Variants in FOCAD observed in about 807,000 individuals in gnomAD.
FOCAD encodes focadhesin.
A neutral mutation model predicts 225.6 loss-of-function variants in FOCAD; 198 were observed. That is an observed-to-expected ratio of 0.88 (90% confidence interval 0.78 to 0.99). The LOEUF (loss-of-function observed/expected upper bound fraction) is 0.99. Among genes scored for constraint, FOCAD ranks in the 50% least tolerant of loss-of-function variants. The pLI is 0.00. For synonymous variants in FOCAD, 897 were observed against 755.0 expected (o/e 1.19, Z -3.08); for missense variants, 2,713 against 2,123.6 (o/e 1.28, Z -5.46).
chr9:20,922,226 G>C (rs2132132269), intron 24 of FOCAD, among the ~76,000 whole-genome samples: 1 of 152,202 alleles, frequency 6.6e-6, no homozygotes, highest in African/African-American at 2.4e-5. Flanking sequence ...ACCCAGGTTG[G>C]GGCCATCTGC....
chr9:20,961,276 T>A (rs913035322), intron 35 of FOCAD, among the ~76,000 whole-genome samples: 26 of 152,134 alleles, frequency 1.7e-4, no homozygotes, highest in Admixed American at 1.6e-3. Flanking sequence ...AGTTATCTAT[T>A]ATTTTGATCT....
chr9:20,860,763 G>C lies in FOCAD; in HGVS notation c.1921-1815G>C, dbSNP rs550116591. On this transcript the variant is annotated intron_variant, in intron 15 of 43. Transcript: ENST00000338382. ...TGACCTTAAGTGATCCACCCACCTC[G>C]GCCTCCCAAAGTGCTGGGATTACAG... 2.6e-5 allele frequency among the ~76,000 whole-genome samples: 4 copies of C among 152,214 alleles called. No homozygotes were observed. In the East Asian group the frequency reaches 7.7e-4, roughly 29 times the overall value.
chr9:20,938,136 C>T (rs199872567), intron 28 of FOCAD, among the ~76,000 whole-genome samples: 26 of 152,254 alleles, frequency 1.7e-4, no homozygotes, highest in East Asian at 7.7e-4. Flanking sequence ...TTGGTGGGAC[C>T]GTAAACTAGT....
intron 37 of FOCAD, among the ~76,000 whole-genome samples, chr9:20,979,944 T>C (rs946782748): frequency 3.9e-5 from 6 of 152,142 alleles, no homozygotes; most frequent in Admixed American, 1.3e-4. Context: ...TAAAATGTGA[T>C]GAATTTGAGT....
intron 43 of FOCAD, among the ~76,000 whole-genome samples, chr9:20,994,148 A>C (rs1322257016): frequency 4.6e-5 from 7 of 152,206 alleles, no homozygotes; most frequent in Non-Finnish European, 8.8e-5. Context: ...AATGAGCTTC[A>C]TAGTATCTTG....
At chr9:20,810,218 T>C (rs561924162) in intron 11 of FOCAD, among the ~76,000 whole-genome samples, 30 of 152,276 alleles carry the variant, frequency 2.0e-4, no homozygotes, top group Admixed American at 1.8e-3. Context: ...TGGCAACATG[T>C]ATGGGTTCTT....
chr9:20,957,357 C>T (rs986599380), intron 35 of FOCAD: 2 of 151,816 alleles, frequency 1.3e-5, no homozygotes, highest in African/African-American at 2.4e-5. Context: ...CTGTACATGG[C>T]ATAATGATCA....
In FOCAD at chr9:20,729,348, C is replaced by T. The variant is rs7042363; in HGVS notation, c.287+8814C>T. Among the ~76,000 whole-genome samples the T allele has an allele frequency of 4.4e-3, 676 of 152,318 alleles. 4 individuals carry two copies. Among genetic ancestry groups the T allele is most frequent in the African/African-American group, 0.015 (622 of 41,562 alleles). The stretch of plus-strand genomic sequence containing the variant: ...ACTTCAGTCTCTGCCTCTGTATGCT[C>T]ATGGCTGACTTACCTGTATATCTCT... On this transcript the variant is annotated intron_variant, in intron 4 of 43. Coordinates refer to ENST00000338382, the MANE Select transcript of FOCAD (RefSeq NM_001375567.1).
At chr9:20,919,290 G>A (rs933498889) in intron 24 of FOCAD, among the ~76,000 whole-genome samples, 6 of 152,086 alleles carry the variant, frequency 3.9e-5, no homozygotes, top group African/African-American at 1.4e-4. Context: ...GAGAACTACG[G>A]ACCACTGCTG....
At chr9:20,662,558 T>A (rs1821760989) in intron 2 of FOCAD, among the ~76,000 whole-genome samples, 1 of 152,148 alleles carries the variant, frequency 6.6e-6, no homozygotes, top group Non-Finnish European at 1.5e-5. Context: ...TTTTTCCTGC[T>A]CAATTCTGCT....
intron 4 of FOCAD, among the ~76,000 whole-genome samples, chr9:20,724,640 A>C (rs1202508671): frequency 1.3e-5 from 2 of 152,156 alleles, no homozygotes; most frequent in African/African-American, 4.8e-5. Context: ...TTTATGTCAG[A>C]AAACGTAATT....
chr9:20,703,213 G>T (rs1417810802), intron 1 of FOCAD, among the ~76,000 whole-genome samples: 1 of 152,084 alleles, frequency 6.6e-6, no homozygotes, highest in African/African-American at 2.4e-5. Flanking sequence ...AAGGTTCGAG[G>T]GAACATGTGA....
chr9:20,802,768 C>A (rs138644806), intron 11 of FOCAD, among the ~76,000 whole-genome samples: 2 of 151,982 alleles, frequency 1.3e-5, no homozygotes, highest in Non-Finnish European at 2.9e-5. Context: ...TTGATATAGG[C>A]GGAATTAAAA....
intron 27 of FOCAD, among the ~76,000 whole-genome samples, chr9:20,932,440 T>A (rs1835571893): frequency 6.6e-6 from 1 of 152,200 alleles, no homozygotes; most frequent in Admixed American, 6.5e-5. Context: ...TTTATTTTAC[T>A]ATGCAAGTCA....
chr9:20,718,003 CT>C, intron 3 of FOCAD, 135 bp downstream of exon 3: 1 of 608,388 alleles, frequency 1.6e-6, no homozygotes, highest in Non-Finnish European at 2.7e-6. Flanking sequence ...ACTTCATTGC[CT>C]TTTTTGTTTA....
intron 15 of FOCAD, among the ~76,000 whole-genome samples, chr9:20,847,027 G>C (rs1252850311): frequency 6.6e-6 from 1 of 152,102 alleles, no homozygotes; most frequent in Non-Finnish European, 1.5e-5. Context: ...CTGTCAAGTA[G>C]AACCATGCTA....
chr9:20,850,131 C>T (rs1394869690), intron 15 of FOCAD, among the ~76,000 whole-genome samples: 1 of 151,490 alleles, frequency 6.6e-6, no homozygotes, highest in Non-Finnish European at 1.5e-5. Flanking sequence ...AACTCTTAGT[C>T]TTATGGTCAT....
At chr9:20,740,105 A>G in intron 4 of FOCAD, 131 bp from the exon 5 acceptor site, 1 of 581,102 alleles carries the variant, frequency 1.7e-6, no homozygotes, top group Non-Finnish European at 3.1e-6. Context: ...GAATGAGTTG[A>G]GGGCCTGTGG....
intron 35 of FOCAD, among the ~76,000 whole-genome samples, chr9:20,975,243 C>A (rs7032132): frequency 0.011 from 1,722 of 152,262 alleles, 39 homozygotes; most frequent in African/African-American, 0.039. Flanking sequence ...TATTCTATTC[C>A]TGGTTGCACC....
Sources: gnomAD v4.1 joint callset for allele counts (sites outside exome capture counted in the v4.1 genomes callset) on GRCh38, gnomAD v4.1.1 for gene constraint, MANE v1.5 for transcripts, NCBI Gene and HGNC (gene_info 2026-07-23, HGNC 2026-07-21) for gene names.